Variants in RUFY3 observed in about 807,000 individuals in gnomAD.
The protein encoded by RUFY3 is RUN and FYVE domain containing 3, also known as protein RUFY3.
In RUFY3, 34 loss-of-function variants were observed where a neutral mutation model predicts 84.0. The ratio of observed to expected loss-of-function variants is 0.40; its 90% CI spans 0.31 to 0.54. The LOEUF (loss-of-function observed/expected upper bound fraction) is 0.54. Ranked by LOEUF, RUFY3 falls within the 20% of genes least tolerant of loss-of-function variation. The probability of loss-of-function intolerance (pLI) is 0.39; values close to 1 mark genes in which losing one functional copy is unlikely to be tolerated. For synonymous variants in RUFY3, 242 were observed against 252.9 expected, an observed-to-expected ratio of 0.96 and a Z score of 0.41; for missense variants, 507 against 736.8, an observed-to-expected ratio of 0.69 and a Z score of 3.61.
At chr4:70,730,981 A>G (rs559473625) in intron 1 of RUFY3, among the ~76,000 whole-genome samples, 9 of 152,238 alleles carry the variant, frequency 5.9e-5, no homozygotes, top group African/African-American at 2.2e-4. Context: ...GCTTAAGTAC[A>G]GTCAGCATGC....
rs777475666 is a variant in RUFY3, at chr4:70,806,785, T to C, written c.*126T>C. ...AAAGAGTTGATAGGAATTTACTAGG[T>C]CCAGGGAGAAAAGGCAGTGGTTGGG... On this transcript the variant is annotated 3_prime_UTR_variant, in exon 18 of 18. Transcript: ENST00000381006. 20 of 1,203,954 alleles carry C rather than the reference T, an allele frequency of 1.7e-5. No individual in the cohort carries two copies. Among genetic ancestry groups the C allele is most frequent in the Non-Finnish European group, 2.3e-5 (20 of 867,892 alleles). 74.6% of individuals were successfully genotyped at this position (1,203,954 alleles called of 1,614,324 possible).
At chr4:70,803,064 C>A in intron 16 of RUFY3, 81 bp downstream of exon 16, 1 of 1,031,822 alleles carries the variant, frequency 9.7e-7, no homozygotes, top group Non-Finnish European at 1.5e-6. Context: ...AATAAGGTAG[C>A]ATGGGCGGAA....
chr4:70,707,710 C>CA (rs200493720), intron 1 of RUFY3, among the ~76,000 whole-genome samples: 22,252 of 137,678 alleles, frequency 0.16, 3,570 homozygotes, highest in African/African-American at 0.42. Flanking sequence ...TTCATATTAG[C>CA]AAAAAAAAAA....
chr4:70,759,399 TG>T (rs1578113929), intron 1 of RUFY3, among the ~76,000 whole-genome samples: 2 of 152,006 alleles, frequency 1.3e-5, no homozygotes, highest in East Asian at 3.9e-4. Flanking sequence ...TGTGTGTGTG[TG>T]TATACCACAT....
intron 1 of RUFY3, among the ~76,000 whole-genome samples, chr4:70,724,637 A>C (rs537118074): frequency 2.0e-5 from 3 of 152,360 alleles, no homozygotes; most frequent in Non-Finnish European, 4.4e-5. Context: ...CCTGTAATCA[A>C]CTATAGAGGA....
At chr4:70,709,311 A>G (rs1409154725) in intron 1 of RUFY3, among the ~76,000 whole-genome samples, 2 of 152,164 alleles carry the variant, frequency 1.3e-5, no homozygotes, top group African/African-American at 4.8e-5. Context: ...TTAAAATTTG[A>G]TTTTATAAAT....
intron 1 of RUFY3, among the ~76,000 whole-genome samples, chr4:70,750,565 C>G (rs945874588): frequency 4.6e-5 from 7 of 152,302 alleles, no homozygotes; most frequent in South Asian, 4.1e-4. Flanking sequence ...AAGGTCACCA[C>G]TTTAAAGTGT....
At chr4:70,786,278 G>C (rs1050763937) in intron 10 of RUFY3, among the ~76,000 whole-genome samples, 2 of 152,150 alleles carry the variant, frequency 1.3e-5, no homozygotes, top group African/African-American at 2.4e-5. Context: ...TGGTCAACAG[G>C]TACAAAGCTA....
Position 70,737,982 on chromosome 4 carries a change from C to CTT in RUFY3, c.178+15248_178+15249dup, listed in dbSNP as rs747096904. On this transcript the variant is annotated intron_variant, in intron 1 of 17. Transcript: ENST00000381006. Reference sequence around the variant, plus strand: ...GCCACCATGCCCAGCCTATTAATTCCTTTTTTTTTTTTTTTTTTGAGATAG... The same window carrying CTT: ...GCCACCATGCCCAGCCTATTAATTCCTTTTTTTTTTTTTTTTTTTTGAGATAG... Among the ~76,000 whole-genome samples, 551 of 121,234 alleles carry CTT rather than the reference C, an allele frequency of 4.5e-3. 5 individuals are homozygous for CTT. Among genetic ancestry groups the CTT allele is most frequent in the East Asian group, 0.022 (91 of 4,066 alleles). The allele number at this position is 121,234 out of a possible 152,430, so 79.5% of individuals were successfully genotyped here.
At position 70,794,354 on chromosome 4, in the gene RUFY3, G is replaced by C. The variant is rs191881267; in HGVS notation, c.1458-441G>C. Among the ~76,000 whole-genome samples the C allele has an allele frequency of 8.6e-4, 131 of 152,260 alleles. No homozygotes were observed. In the East Asian group the frequency reaches 0.019, roughly 22 times the overall value. Reference sequence around the variant, plus strand: ...CCAGCACTTTGGGAGGCCAAGGCAGGTGTATCACCTGAGGTCAGGAGTTCC... The same window carrying C: ...CCAGCACTTTGGGAGGCCAAGGCAGCTGTATCACCTGAGGTCAGGAGTTCC... On this transcript the variant is annotated intron_variant, in intron 13 of 17. Transcript: ENST00000381006.
intron 15 of RUFY3, among the ~76,000 whole-genome samples, chr4:70,801,806 G>A (rs1732266848): frequency 6.6e-6 from 1 of 152,102 alleles, no homozygotes; most frequent in Non-Finnish European, 1.5e-5. Context: ...TTACAGAATG[G>A]CATAAGCAAA....
upstream of RUFY3, among the ~76,000 whole-genome samples, chr4:70,721,199 C>G (rs1020122794): frequency 7.2e-5 from 11 of 151,940 alleles, no homozygotes; most frequent in Non-Finnish European, 1.5e-4. Context: ...GTAATCCCAG[C>G]TACTCGGGAG....
intron 1 of RUFY3, among the ~76,000 whole-genome samples, chr4:70,762,284 C>T (rs527756829): frequency 4.9e-4 from 75 of 152,196 alleles, no homozygotes; most frequent in Middle Eastern, 3.4e-3. Flanking sequence ...CACTGCATTC[C>T]AGTTTGGGCA....
intron 15 of RUFY3, 152 bp from the exon 16 acceptor site, chr4:70,802,804 A>T: frequency 2.0e-6 from 1 of 506,680 alleles, no homozygotes; most frequent in Non-Finnish European, 3.4e-6. Context: ...TGGAGGTCAA[A>T]ATTAATAATT....
At chr4:70,760,021 G>A (rs887121626) in intron 1 of RUFY3, among the ~76,000 whole-genome samples, 2 of 152,206 alleles carry the variant, frequency 1.3e-5, no homozygotes, top group African/African-American at 4.8e-5. Context: ...AAGGTTGAGA[G>A]TAGTGTTTTT....
intron 6 of RUFY3, among the ~76,000 whole-genome samples, chr4:70,774,466 AT>A (rs1727491628): frequency 6.7e-6 from 1 of 149,410 alleles, no homozygotes; most frequent in Admixed American, 6.7e-5. Flanking sequence ...AAAAAAAAAA[AT>A]AGCCAGGCAT....
chr4:70,792,661 C>T, intron 12 of RUFY3: 2 of 985,246 alleles, frequency 2.0e-6, no homozygotes, highest in Non-Finnish European at 2.4e-6. Context: ...ACACAGATAA[C>T]CCCTTCGCTT....
chr4:70,743,092 G>A (rs1560480246), intron 1 of RUFY3, among the ~76,000 whole-genome samples: 1 of 151,972 alleles, frequency 6.6e-6, no homozygotes, highest in Non-Finnish European at 1.5e-5. Context: ...ATTTTGAAAT[G>A]GAATCTCACT....
chr4:70,791,402 C>A, intron 12 of RUFY3: 1 of 1,469,494 alleles, frequency 6.8e-7, no homozygotes. Context: ...TATAAAATGT[C>A]ACCAAAAAGT....
Sources: gnomAD v4.1 joint callset for allele counts (sites outside exome capture counted in the v4.1 genomes callset) on GRCh38, gnomAD v4.1.1 for gene constraint, MANE v1.5 for transcripts, NCBI Gene and HGNC (gene_info 2026-07-23, HGNC 2026-07-21) for gene names.